The following TXNDC12 variants were observed in gnomAD, a reference collection of about 807,000 sequenced individuals.
TXNDC12 encodes the protein thioredoxin domain-containing protein 12.
A neutral mutation model predicts 24.2 loss-of-function variants in TXNDC12; 22 were observed. The ratio of observed to expected loss-of-function variants is 0.91; its 90% CI spans 0.65 to 1.30. The LOEUF (loss-of-function observed/expected upper bound fraction) is 1.30. TXNDC12 is among the 50% of genes most tolerant of loss of function. The pLI is 0.00. For missense variants in TXNDC12, 184 were observed against 205.8 expected (o/e 0.89, Z 0.65); for synonymous variants, 58 against 73.4 (o/e 0.79, Z 1.07).
intron 2 of TXNDC12, chr1:52,032,713 C>A: frequency 6.2e-7 from 1 of 1,608,724 alleles, no homozygotes. Flanking sequence ...CAGGCTCTGG[C>A]TCAAATACTG....
intron 1 of TXNDC12, among the ~76,000 whole-genome samples, chr1:52,045,600 C>T (rs147517305): frequency 1.9e-3 from 288 of 152,002 alleles, no homozygotes; most frequent in Non-Finnish European, 3.5e-3. Flanking sequence ...TTGTTTAAGC[C>T]GGTTAGTCTG....
intron 6 of TXNDC12, 116 bp from the exon 7 acceptor site, chr1:52,021,128 C>G (rs929845022): frequency 2.7e-6 from 2 of 744,148 alleles, no homozygotes; most frequent in East Asian, 2.7e-5. Context: ...AAGATCTGGA[C>G]TCAAGATCTA....
chr1:52,046,354 G>A (rs1410607374), intron 1 of TXNDC12, among the ~76,000 whole-genome samples: 2 of 152,076 alleles, frequency 1.3e-5, no homozygotes, highest in Admixed American at 6.6e-5. Context: ...GGTGGTAGAG[G>A]GGTAAGATAC....
intron 6 of TXNDC12, among the ~76,000 whole-genome samples, chr1:52,022,635 GT>G (rs1188645759): frequency 1.4e-3 from 168 of 118,578 alleles, no homozygotes; most frequent in East Asian, 4.0e-3. Context: ...GGTTTTTTTG[GT>G]TTTTTTTTTT....
rs370321835 is a variant in TXNDC12, at chr1:52,034,071, G to A, written c.159-5441C>T. The A allele has an allele frequency of 9.9e-6, 13 of 1,309,446 alleles. No individual in the cohort carries two copies. The Admixed American group carries it at 1.1e-4, about 11-fold the overall frequency. The allele number at this position is 1,309,446 out of a possible 1,614,324, so 81.1% of individuals were successfully genotyped here. A position where few individuals can be genotyped will look rare whatever the true frequency, so the allele number is the denominator to read the frequency against. On this transcript the variant is annotated intron_variant, in intron 2 of 6. Transcript: ENST00000371626. The stretch of plus-strand genomic sequence containing the variant: ...TAAGGCCTAAGGGGCATTAAATATT[G>A]TAAGCAATCAGCACTATATTTAGCA...
chr1:52,022,425 T>C (rs536463551), intron 6 of TXNDC12, among the ~76,000 whole-genome samples: 1 of 152,276 alleles, frequency 6.6e-6, no homozygotes, highest in East Asian at 1.9e-4. Flanking sequence ...TTCTCTCTCC[T>C]GGAACATGCT....
chr1:52,027,229 A>G (rs1685683432), intron 4 of TXNDC12, 46 bp downstream of exon 4: 3 of 1,446,972 alleles, frequency 2.1e-6, no homozygotes, highest in Non-Finnish European at 2.9e-6. Context: ...ACTAACTTTA[A>G]AAGTCTTAAA....
chr1:52,030,778 C>T (rs974459095), intron 2 of TXNDC12, among the ~76,000 whole-genome samples: 1 of 152,158 alleles, frequency 6.6e-6, no homozygotes, highest in African/African-American at 2.4e-5. Context: ...CGTCTGCTTC[C>T]GTAGGGCCCA....
At chr1:52,024,097 T>C (rs543324647) in intron 5 of TXNDC12, among the ~76,000 whole-genome samples, 2 of 151,962 alleles carry the variant, frequency 1.3e-5, no homozygotes, top group African/African-American at 4.8e-5. Flanking sequence ...CAGGCTCAAT[T>C]GATCCTCCCG....
chr1:52,032,892 C>T (rs764514804), intron 2 of TXNDC12: 9 of 1,613,192 alleles, frequency 5.6e-6, no homozygotes, highest in Non-Finnish European at 6.8e-6. Context: ...GGACAGCGCT[C>T]TTCTGCGCTT....
chr1:52,037,905 C>G (rs1323395240), intron 2 of TXNDC12, among the ~76,000 whole-genome samples: 2 of 152,000 alleles, frequency 1.3e-5, no homozygotes, highest in South Asian at 2.1e-4. Context: ...AATGTTGGTA[C>G]TTGCTTCTCT....
chr1:52,055,142 G>A lies in TXNDC12; in HGVS notation c.-46C>T. The A allele has an allele frequency of 1.5e-6, 2 of 1,369,560 alleles. No homozygotes were observed. Among genetic ancestry groups the A allele is most frequent in the South Asian group, 1.2e-5 (1 of 85,902 alleles). The allele number at this position is 1,369,560 out of a possible 1,614,324, so 84.8% of individuals were successfully genotyped here. A position where few individuals can be genotyped will look rare whatever the true frequency, so the allele number is the denominator to read the frequency against. ...ACGGGGCTGAGCGGACGCAGGGCCG[G>A]AGTCCCAGCAGACGGTCCACACAGT... On this transcript the variant is annotated 5_prime_UTR_variant, in exon 1 of 7. Coordinates refer to ENST00000371626, the MANE Select transcript of TXNDC12 (RefSeq NM_015913.4).
intron 2 of TXNDC12, among the ~76,000 whole-genome samples, chr1:52,029,889 T>C (rs970274164): frequency 6.6e-6 from 1 of 152,152 alleles, no homozygotes. Flanking sequence ...CAAGTTTAGG[T>C]GGGTAGTAGG....
intron 5 of TXNDC12, 109 bp downstream of exon 5, chr1:52,024,401 A>G: frequency 3.6e-6 from 3 of 840,812 alleles, no homozygotes; most frequent in South Asian, 3.2e-5. Flanking sequence ...ACTGGTTTTT[A>G]TTTGTTTGTG....
At chr1:52,047,428 G>A (rs1557998529) in intron 1 of TXNDC12, among the ~76,000 whole-genome samples, 1 of 152,106 alleles carries the variant, frequency 6.6e-6, no homozygotes, top group African/African-American at 2.4e-5. Flanking sequence ...TAGTCCCCTA[G>A]GAGAGAATCA....
intron 6 of TXNDC12, 104 bp downstream of exon 6, chr1:52,023,387 T>C (rs1321060115): frequency 1.1e-6 from 1 of 871,422 alleles, no homozygotes; most frequent in African/African-American, 1.7e-5. Context: ...ATGCAGGAGA[T>C]GCTCAGCTAA....
intron 4 of TXNDC12, among the ~76,000 whole-genome samples, chr1:52,025,411 G>T (rs1259049678): frequency 2.6e-5 from 4 of 151,964 alleles, no homozygotes; most frequent in Non-Finnish European, 5.9e-5. Context: ...GTAGAGACGG[G>T]GTTTCACCAT....
chr1:52,054,957 T>C (rs1372674379), intron 1 of TXNDC12, 43 bp downstream of exon 1: 1 of 1,412,786 alleles, frequency 7.1e-7, no homozygotes, highest in East Asian at 2.3e-5. Context: ...CTGGGATCAG[T>C]ATAGTAAAGA....
upstream of TXNDC12, chr1:52,055,309 T>C (rs1053101519): frequency 4.9e-5 from 26 of 534,662 alleles, no homozygotes; most frequent in African/African-American, 3.8e-4. Context: ...GCAGATCACG[T>C]AGAAGGGTAC....
Sources: gnomAD v4.1 joint callset for allele counts (sites outside exome capture counted in the v4.1 genomes callset) on GRCh38, gnomAD v4.1.1 for gene constraint, MANE v1.5 for transcripts, NCBI Gene and HGNC (gene_info 2026-07-23, HGNC 2026-07-21) for gene names.